The following FAM117B variants were observed in gnomAD, a reference collection of about 807,000 sequenced individuals.
FAM117B encodes protein FAM117B.
A neutral mutation model predicts 52.8 loss-of-function variants in FAM117B; 22 were observed. The observed-to-expected ratio is 0.42, with a 90% CI of 0.30 to 0.59. FAM117B has a LOEUF of 0.59. FAM117B is among the 20% of genes least tolerant of loss of function. FAM117B has a pLI of 0.22. For synonymous variants in FAM117B, 309 were observed against 324.1 expected (o/e 0.95, Z 0.50); for missense variants, 678 against 802.6 (o/e 0.84, Z 1.88).
chr2:202,715,450 C>T (rs1328615945), intron 2 of FAM117B, among the ~76,000 whole-genome samples: 21 of 148,210 alleles, frequency 1.4e-4, no homozygotes, highest in African/African-American at 4.5e-4. Context: ...GACGGGGTTG[C>T]GGCCGGGCAG....
At chr2:202,637,873 C>CTTT (rs556979899) in intron 1 of FAM117B, among the ~76,000 whole-genome samples, 4 of 130,742 alleles carry the variant, frequency 3.1e-5, no homozygotes, top group Admixed American at 7.8e-5. Flanking sequence ...AGTTAGGTAA[C>CTTT]TTTTTTTTTT....
chr2:202,684,028 G>A (rs1247377502), intron 1 of FAM117B, among the ~76,000 whole-genome samples: 1 of 151,992 alleles, frequency 6.6e-6, no homozygotes, highest in Non-Finnish European at 1.5e-5. Context: ...TACCACACCT[G>A]GTTAATTTTT....
At chr2:202,763,664 G>A (rs1464878778) in intron 7 of FAM117B, among the ~76,000 whole-genome samples, 1 of 152,134 alleles carries the variant, frequency 6.6e-6, no homozygotes, top group African/African-American at 2.4e-5. Flanking sequence ...AAATATACTT[G>A]TGGCACTAAA....
chr2:202,641,201 G>T (rs1028719468), intron 1 of FAM117B, among the ~76,000 whole-genome samples: 5 of 152,184 alleles, frequency 3.3e-5, no homozygotes, highest in Admixed American at 2.0e-4. Flanking sequence ...GGGTATAGAG[G>T]TTCCCTCAGA....
chr2:202,635,184 G>GA lies in FAM117B; in HGVS notation c.-3dup, dbSNP rs1689656128. The GA allele has an allele frequency of 9.4e-6, 12 of 1,278,582 alleles. No individual in the cohort carries two copies. Among genetic ancestry groups the GA allele is most frequent in the South Asian group, 2.5e-5 (1 of 40,496 alleles). The allele number at this position is 1,278,582 out of a possible 1,614,324, so 79.2% of individuals were successfully genotyped here. ...TCGCCCAGTCACCGGGGAGGGGGGGGACCATGTCCCAGCGGGTGAGGCGCA... is the reference window on the plus strand; with the variant it reads ...TCGCCCAGTCACCGGGGAGGGGGGGGAACCATGTCCCAGCGGGTGAGGCGCA... On this transcript the variant is annotated 5_prime_UTR_variant, in exon 1 of 8. Transcript: ENST00000392238.
intron 1 of FAM117B, among the ~76,000 whole-genome samples, chr2:202,648,615 G>A (rs906467942): frequency 6.7e-6 from 1 of 149,760 alleles, no homozygotes; most frequent in East Asian, 2.0e-4. Flanking sequence ...AGTGGACCAT[G>A]CATTATTTCA....
chr2:202,743,622 A>G (rs1691583052), intron 4 of FAM117B, among the ~76,000 whole-genome samples: 1 of 132,698 alleles, frequency 7.5e-6, no homozygotes, highest in Non-Finnish European at 1.7e-5. Context: ...CATACAAAAG[A>G]ACACAAACAA....
At chr2:202,645,040 G>A (rs1689838825) in intron 1 of FAM117B, among the ~76,000 whole-genome samples, 2 of 151,420 alleles carry the variant, frequency 1.3e-5, no homozygotes, top group African/African-American at 4.9e-5. Context: ...ATCTAGTTGT[G>A]GTATATCTTG....
chr2:202,635,317 A>AAGCAGC lies in FAM117B; in HGVS notation c.144_149dup (p.Gln49_Gln50dup), dbSNP rs567562707. 6.4e-6 allele frequency: 9 copies of AAGCAGC among 1,404,230 alleles called. No homozygotes were observed. The highest frequency in any genetic ancestry group is 7.4e-6 in the Non-Finnish European group (8 of 1,077,544). 87.0% of individuals were successfully genotyped at this position (1,404,230 alleles called of 1,614,324 possible). ...GAGGGCGACGGTTCCGTTCCAGCTG[A>AAGCAGC]AGCAGCAGCAGCAGCAGCAACATGG... On this transcript the variant is annotated inframe_insertion, in exon 1 of 8. Transcript: ENST00000392238.
chr2:202,713,707 G>A (rs1252800572), intron 2 of FAM117B, among the ~76,000 whole-genome samples: 1 of 151,986 alleles, frequency 6.6e-6, no homozygotes, highest in Non-Finnish European at 1.5e-5. Context: ...GGTATGTTGT[G>A]TTTCCATTAT....
intron 2 of FAM117B, among the ~76,000 whole-genome samples, chr2:202,717,625 G>T (rs1192754741): frequency 1.3e-5 from 2 of 152,204 alleles, no homozygotes; most frequent in Non-Finnish European, 2.9e-5. Context: ...ACAAGGCAGA[G>T]ACCCTTGTTC....
rs541144958 is a variant in FAM117B, at chr2:202,691,667, G to A, written c.602-4214G>A. The stretch of plus-strand genomic sequence containing the variant: ...GTTTACATTGTGTGTGTGTGTGTGT[G>A]TGTGTGTGTGTGTGTGTGTGTGTGT... On this transcript the variant is annotated intron_variant, in intron 1 of 7. Transcript: ENST00000392238. 4.0e-5 allele frequency among the ~76,000 whole-genome samples: 6 copies of A among 148,884 alleles called. No homozygotes were observed. The East Asian group carries it at 9.8e-4, about 24-fold the overall frequency.
chr2:202,744,452 A>T (rs554574638), intron 4 of FAM117B, among the ~76,000 whole-genome samples: 1 of 152,188 alleles, frequency 6.6e-6, no homozygotes, highest in Non-Finnish European at 1.5e-5. Context: ...ATCTGCCTCC[A>T]TGTCCCAAAC....
intron 1 of FAM117B, among the ~76,000 whole-genome samples, chr2:202,674,420 A>G (rs768072318): frequency 6.6e-6 from 1 of 152,240 alleles, no homozygotes; most frequent in Non-Finnish European, 1.5e-5. Context: ...AGTTGGTAAT[A>G]ATACTTAGTA....
chr2:202,691,694 T>TGCGC (rs1196066973), intron 1 of FAM117B, among the ~76,000 whole-genome samples: 2 of 132,746 alleles, frequency 1.5e-5, no homozygotes, highest in Non-Finnish European at 3.2e-5. Context: ...TGTGTGTGTG[T>TGCGC]GTGTGCGCGC....
At chr2:202,680,485 G>A (rs547070419) in intron 1 of FAM117B, among the ~76,000 whole-genome samples, 2 of 152,146 alleles carry the variant, frequency 1.3e-5, no homozygotes, top group South Asian at 4.1e-4. Flanking sequence ...CAATCATGCA[G>A]CTCCAAGTTC....
intron 4 of FAM117B, among the ~76,000 whole-genome samples, chr2:202,732,984 C>T (rs763792244): frequency 3.9e-5 from 6 of 151,914 alleles, no homozygotes; most frequent in East Asian, 1.9e-4. Context: ...TCGGGGGAAC[C>T]GCCCCCAATA....
chr2:202,654,057 G>A (rs1690014614), intron 1 of FAM117B, among the ~76,000 whole-genome samples: 1 of 133,402 alleles, frequency 7.5e-6, no homozygotes, highest in Admixed American at 7.5e-5. Flanking sequence ...CGGGAAGAGA[G>A]TGAGTGAGAG....
At chr2:202,724,051 C>CTTTTTTTTTTTTTTTTTT (rs34063266) in intron 2 of FAM117B, among the ~76,000 whole-genome samples, 1 of 89,794 alleles carries the variant, frequency 1.1e-5, no homozygotes, top group Admixed American at 1.7e-4. Context: ...TAAGGTTTAA[C>CTTTTTTTTTTTTTTTTTT]TTTTTTTTTT....
Sources: gnomAD v4.1 joint callset for allele counts (sites outside exome capture counted in the v4.1 genomes callset) on GRCh38, gnomAD v4.1.1 for gene constraint, MANE v1.5 for transcripts, NCBI Gene and HGNC (gene_info 2026-07-23, HGNC 2026-07-21) for gene names.